The following TASP1 variants were observed in gnomAD, a reference collection of about 807,000 sequenced individuals.
TASP1 encodes taspase 1.
Under a neutral mutation model 56.6 loss-of-function variants are expected in TASP1, and 16 were observed. The ratio of observed to expected loss-of-function variants is 0.28; its 90% CI spans 0.19 to 0.43. The LOEUF is 0.43. TASP1 is among the 20% of genes least tolerant of loss of function. The pLI, the probability that TASP1 is intolerant of heterozygous loss-of-function variation, is 1.00. For synonymous variants in TASP1, 179 were observed against 184.2 expected, an observed-to-expected ratio of 0.97 and a Z score of 0.23; for missense variants, 393 against 511.6, an observed-to-expected ratio of 0.77 and a Z score of 2.24.
chr20:13,145,505 A>G, the TASP1 span, among the ~76,000 whole-genome samples: 1 of 152,230 alleles, frequency 6.6e-6, no homozygotes, highest in East Asian at 1.9e-4. Context: ...AACAAATGGA[A>G]AAATATTCCA....
In TASP1 at chr20:13,562,967, CGTAT is replaced by C. The variant is rs536332518; in HGVS notation, c.569-3857_569-3854del. On this transcript the variant is annotated intron_variant, in intron 7 of 13. Transcript: ENST00000337743. ...TGTGTGTTGTGTATGTGTATACGTGCGTATGTATGTGTGTGTATATACACATATA... is the reference window on the plus strand; with the variant it reads ...TGTGTGTTGTGTATGTGTATACGTGCGTATGTGTGTGTATATACACATATA... Among the ~76,000 whole-genome samples, 920 of 121,392 alleles carry C rather than the reference CGTAT, an allele frequency of 7.6e-3. 10 individuals carry two copies. Among genetic ancestry groups the C allele is most frequent in the Non-Finnish European group, 8.7e-3 (521 of 59,562 alleles). The allele number at this position is 121,392 out of a possible 152,430, so 79.6% of individuals were successfully genotyped here.
chr20:13,602,896 T>C (rs2048016250), intron 4 of TASP1, among the ~76,000 whole-genome samples: 1 of 152,150 alleles, frequency 6.6e-6, no homozygotes, highest in Non-Finnish European at 1.5e-5. Flanking sequence ...ATCTTCACAA[T>C]TGTTTTGTAA....
chr20:13,342,880 A>C, the TASP1 span, among the ~76,000 whole-genome samples: 41 of 152,016 alleles, frequency 2.7e-4, no homozygotes, highest in South Asian at 8.1e-3. Context: ...GTCACTTCTC[A>C]CCCCTTCCAA....
intron 4 of TASP1, among the ~76,000 whole-genome samples, chr20:13,595,891 A>G (rs892002143): frequency 3.9e-5 from 6 of 152,214 alleles, no homozygotes; most frequent in Admixed American, 6.5e-5. Flanking sequence ...AGACACCTAC[A>G]GAAGTCTCCA....
the TASP1 span, among the ~76,000 whole-genome samples, chr20:13,156,107 T>C: frequency 6.6e-6 from 1 of 152,130 alleles, no homozygotes; most frequent in African/African-American, 2.4e-5. Flanking sequence ...TTCAAAATGA[T>C]TGGGGAAATG....
intron 10 of TASP1, among the ~76,000 whole-genome samples, chr20:13,501,261 C>G (rs1403657434): frequency 6.6e-6 from 1 of 151,762 alleles, no homozygotes; most frequent in African/African-American, 2.4e-5. Flanking sequence ...CAGAGAGAAC[C>G]CTGAGCTCTT....
chr20:13,618,238 C>T (rs914067358), intron 4 of TASP1, among the ~76,000 whole-genome samples: 5 of 151,992 alleles, frequency 3.3e-5, no homozygotes, highest in African/African-American at 1.2e-4. Flanking sequence ...GGCAAAACCC[C>T]ATCTCTACTA....
intron 8 of TASP1, among the ~76,000 whole-genome samples, chr20:13,555,382 TAA>T (rs59279659): frequency 8.1e-4 from 80 of 99,346 alleles, no homozygotes; most frequent in Middle Eastern, 6.2e-3. Context: ...AGACTCCCTC[TAA>T]AAAAAAAAAA....
chr20:13,114,395 A>T, the TASP1 span, among the ~76,000 whole-genome samples: 17 of 152,246 alleles, frequency 1.1e-4, no homozygotes, highest in Non-Finnish European at 2.1e-4. Flanking sequence ...TCTCAAAATT[A>T]TTCAAAAATA....
At chr20:13,123,957 A>G in the TASP1 span, among the ~76,000 whole-genome samples, 2 of 151,752 alleles carry the variant, frequency 1.3e-5, no homozygotes, top group Admixed American at 1.3e-4. Context: ...GGAACATGCC[A>G]CTGTGAAGGA....
chr20:13,449,642 T>C (rs2043542043), intron 11 of TASP1, among the ~76,000 whole-genome samples: 1 of 152,168 alleles, frequency 6.6e-6, no homozygotes, highest in Non-Finnish European at 1.5e-5. Context: ...TTCCAGTTTC[T>C]ATTAAGTTTC....
At chr20:13,188,573 T>C in the TASP1 span, among the ~76,000 whole-genome samples, 1 of 152,158 alleles carries the variant, frequency 6.6e-6, no homozygotes. Context: ...TGTTCATAGA[T>C]TGAAAGATTA....
At chr20:13,591,473 G>A (rs2047529901) in intron 4 of TASP1, among the ~76,000 whole-genome samples, 1 of 151,992 alleles carries the variant, frequency 6.6e-6, no homozygotes, top group Non-Finnish European at 1.5e-5. Flanking sequence ...TAAAAACTGA[G>A]AAAACTACAA....
At chr20:13,609,515 C>T (rs2048274993) in intron 4 of TASP1, among the ~76,000 whole-genome samples, 2 of 151,962 alleles carry the variant, frequency 1.3e-5, no homozygotes, top group African/African-American at 4.8e-5. Flanking sequence ...GAAACCCCAT[C>T]TCTACTAAAA....
the TASP1 span, among the ~76,000 whole-genome samples, chr20:13,221,552 T>TGCGGCGGCGGCGGCG: frequency 4.2e-5 from 6 of 141,508 alleles, no homozygotes; most frequent in South Asian, 4.5e-4. Flanking sequence ...TCCGCCGTGG[T>TGCGGCGGCGGCGGCG]GCGGCGGCGG....
chr20:13,219,307 C>G, the TASP1 span, among the ~76,000 whole-genome samples: 8 of 152,144 alleles, frequency 5.3e-5, no homozygotes, highest in Admixed American at 2.0e-4. Flanking sequence ...TCTATTTCGG[C>G]GCTGATTCTC....
chr20:13,556,040 C>G (rs528714496), intron 8 of TASP1, among the ~76,000 whole-genome samples: 2 of 152,226 alleles, frequency 1.3e-5, no homozygotes, highest in African/African-American at 4.8e-5. Flanking sequence ...ATTGGTCAAT[C>G]TGAGCCCATT....
chr20:13,564,731 G>A (rs185716549), intron 7 of TASP1, among the ~76,000 whole-genome samples: 15 of 152,094 alleles, frequency 9.9e-5, no homozygotes, highest in Admixed American at 8.5e-4. Context: ...GCTGGGCGTG[G>A]TGGCTCACAC....
the TASP1 span, among the ~76,000 whole-genome samples, chr20:13,131,707 A>G: frequency 3.3e-5 from 5 of 152,292 alleles, no homozygotes; most frequent in East Asian, 1.9e-4. Context: ...TTCCTGGAGT[A>G]GCCTCCTGAA....
Sources: allele counts gnomAD v4.1 joint callset (sites outside exome capture counted in the v4.1 genomes callset), GRCh38; gene constraint gnomAD v4.1.1; transcripts MANE v1.5; gene names NCBI Gene and HGNC (gene_info 2026-07-23, HGNC 2026-07-21).